Variants in REPS1 observed in about 807,000 individuals in gnomAD.
The protein encoded by REPS1 is RALBP1 associated Eps domain containing 1.
Under a neutral mutation model 100.9 loss-of-function variants are expected in REPS1, and 39 were observed. The observed-to-expected ratio is 0.39, with a 90% confidence interval of 0.30 to 0.50. The LOEUF is 0.50. Among genes scored for constraint, REPS1 ranks in the 20% least tolerant of loss-of-function variants. The probability of loss-of-function intolerance (pLI) is 0.86; values close to 1 mark genes in which losing one functional copy is unlikely to be tolerated. For missense variants in REPS1, 821 were observed against 968.5 expected, an observed-to-expected ratio of 0.85 and a Z score of 2.02; for synonymous variants, 324 against 340.3, an observed-to-expected ratio of 0.95 and a Z score of 0.53.
At chr6:138,935,672 G>A (rs1427279417) in intron 8 of REPS1, among the ~76,000 whole-genome samples, 1 of 151,950 alleles carries the variant, frequency 6.6e-6, no homozygotes, top group Admixed American at 6.6e-5. Context: ...TGGCCAACAT[G>A]GTGAAACCCC....
At chr6:138,921,704 A>C (rs898135876) in intron 10 of REPS1, among the ~76,000 whole-genome samples, 17 of 150,620 alleles carry the variant, frequency 1.1e-4, no homozygotes, top group African/African-American at 4.2e-4. Context: ...CAGCCTCCCA[A>C]GTAGCTGGGA....
chr6:138,920,266 C>T lies in REPS1; in HGVS notation c.1477G>A (p.Glu493Lys), dbSNP rs753054548. ...ACCGATGAATTTATCTTATTTTCTTCTAAAAGGTCAGATGGTTTCACAAGT... is the reference window on the plus strand; with the variant it reads ...ACCGATGAATTTATCTTATTTTCTTTTAAAAGGTCAGATGGTTTCACAAGT... ...PLLVKPSDLL[E>K]ENKINSSVKF... The change falls in exon 12 of 20, where the codon GAA becomes AAA. Residue 493 changes from glutamate to lysine, a missense_variant. Glu to Lys is a moderately conservative substitution (Grantham distance 56, BLOSUM62 1). This residue lies in a region of REPS1 where 757 missense variants were observed against 866.4 expected (regional missense o/e 0.87). Transcript: ENST00000450536. 1 of 1,604,122 alleles carries T rather than the reference C, an allele frequency of 6.2e-7. No individual in the cohort carries two copies. The highest frequency in any genetic ancestry group is 8.5e-7 in the Non-Finnish European group (1 of 1,171,066).
At chr6:138,917,865 T>C (rs565495751) in intron 12 of REPS1, among the ~76,000 whole-genome samples, 1 of 152,288 alleles carries the variant, frequency 6.6e-6, no homozygotes, top group South Asian at 2.1e-4. Context: ...GAATACTTAA[T>C]GATGCAGAAA....
intron 7 of REPS1, among the ~76,000 whole-genome samples, chr6:138,942,950 G>C (rs906914337): frequency 6.6e-6 from 1 of 152,060 alleles, no homozygotes; most frequent in Non-Finnish European, 1.5e-5. Context: ...GTTTCACCAT[G>C]TTGCCCAGGC....
At chr6:138,953,151 T>C (rs763136272) in intron 1 of REPS1, among the ~76,000 whole-genome samples, 8 of 152,106 alleles carry the variant, frequency 5.3e-5, no homozygotes, top group Non-Finnish European at 1.2e-4. Context: ...ATTTTATGAA[T>C]GAAATTAGAT....
chr6:138,922,830 TGTTTTG>T (rs1402233720), intron 10 of REPS1, among the ~76,000 whole-genome samples: 1 of 152,252 alleles, frequency 6.6e-6, no homozygotes. Flanking sequence ...AGTTGGAAAC[TGTTTTG>T]GTGAGACAGT....
At position 138,915,994 on chromosome 6, in the gene REPS1, T is replaced by C. The variant is rs774056125; in HGVS notation, c.1602-18A>G. ...AATGAGACCTGCAAAATTCACCCCA[T>C]GATAATTGGTCATACTACTGATATC... is the stretch of plus-strand genomic sequence containing the variant. On this transcript the variant is annotated intron_variant, in intron 13 of 19. Transcript: ENST00000450536. The C allele has an allele frequency of 3.7e-5, 58 of 1,557,524 alleles. No homozygotes were observed. The highest frequency in any genetic ancestry group is 4.2e-5 in the Non-Finnish European group (47 of 1,128,664).
At chr6:138,956,556 T>C (rs939637792) in intron 1 of REPS1, among the ~76,000 whole-genome samples, 1 of 149,380 alleles carries the variant, frequency 6.7e-6, no homozygotes, top group African/African-American at 2.5e-5. Context: ...ACTTTGCTGT[T>C]GCCCCTGGTA....
chr6:138,931,791 TCC>T (rs1781500604), intron 8 of REPS1, among the ~76,000 whole-genome samples: 1 of 151,840 alleles, frequency 6.6e-6, no homozygotes, highest in South Asian at 2.1e-4. Context: ...TGAAACTTTA[TCC>T]CCAGTGATAA....
chr6:138,963,863 CAA>C (rs905466649), intron 1 of REPS1, among the ~76,000 whole-genome samples: 3 of 152,166 alleles, frequency 2.0e-5, no homozygotes, highest in Non-Finnish European at 4.4e-5. Flanking sequence ...ATCCAACAAA[CAA>C]GAGGGTAATT....
chr6:138,947,460 G>A (rs981157328), intron 2 of REPS1, among the ~76,000 whole-genome samples: 1 of 152,116 alleles, frequency 6.6e-6, no homozygotes, highest in Non-Finnish European at 1.5e-5. Context: ...GAAGATGGTC[G>A]CTGTAATTTA....
At position 138,904,352 on chromosome 6, in the gene REPS1, A is replaced by C. The variant is rs1232917033; in HGVS notation, c.*712T>G. On this transcript the variant is annotated 3_prime_UTR_variant, in exon 20 of 20. Transcript: ENST00000450536. ...TGATATCCTCAGAAGTTTTAAAACAATACTTAAAAAAATTAAGAAAGGCCA... is the reference window on the plus strand; with the variant it reads ...TGATATCCTCAGAAGTTTTAAAACACTACTTAAAAAAATTAAGAAAGGCCA... The C allele has an allele frequency of 6.6e-6, 1 of 152,228 alleles. No individual in the cohort carries two copies. Among genetic ancestry groups the C allele is most frequent in the African/African-American group, 2.4e-5 (1 of 41,466 alleles). 9.4% of individuals were successfully genotyped at this position (152,228 alleles called of 1,614,324 possible). A position where few individuals can be genotyped will look rare whatever the true frequency, so the allele number is the denominator to read the frequency against.
chr6:138,937,181 C>T (rs1211195907), intron 8 of REPS1, among the ~76,000 whole-genome samples: 2 of 152,048 alleles, frequency 1.3e-5, no homozygotes, highest in Admixed American at 1.3e-4. Flanking sequence ...GAAAGACCTG[C>T]CCCCATGATT....
intron 3 of REPS1, 37 bp from the exon 4 acceptor site, chr6:138,945,409 G>C: frequency 6.3e-7 from 1 of 1,589,508 alleles, no homozygotes; most frequent in Non-Finnish European, 8.5e-7. Context: ...TTAACTTTAA[G>C]GAGACATTTT....
chr6:138,919,154 A>C (rs989334005), intron 12 of REPS1, among the ~76,000 whole-genome samples: 9 of 152,166 alleles, frequency 5.9e-5, no homozygotes, highest in African/African-American at 1.9e-4. Context: ...CAGGCCAAAA[A>C]CCATGAAACC....
chr6:138,909,613 G>T (rs1005240702), intron 17 of REPS1, among the ~76,000 whole-genome samples: 1 of 152,104 alleles, frequency 6.6e-6, no homozygotes, highest in Admixed American at 6.5e-5. Context: ...AGGTGACTGG[G>T]TCATGGGGGT....
In REPS1 at chr6:138,907,511, A is replaced by T; in HGVS notation, c.2306T>A (p.Leu769Ter). 1.2e-6 allele frequency: 2 copies of T among 1,611,100 alleles called. No individual in the cohort carries two copies. Among genetic ancestry groups the T allele is most frequent in the Non-Finnish European group, 1.7e-6 (2 of 1,177,408 alleles). ...CTATATTACCTTTAATTGTTGCTGC[A>T]ATTCGCTATTCAATCTGGCCAAAAC... ...NTVLARLNSE[L>*]QQQLKDVLEE... Residue 769 changes from leucine (L) to a stop codon, truncating the protein, a stop_gained, in exon 19 of 20, where the codon TTG becomes TAG. Coordinates refer to ENST00000450536, the MANE Select transcript of REPS1 (RefSeq NM_001286611.2). LOFTEE classifies it high-confidence loss of function.
intron 1 of REPS1, among the ~76,000 whole-genome samples, chr6:138,965,420 C>T (rs756938533): frequency 4.6e-5 from 7 of 151,192 alleles, no homozygotes; most frequent in African/African-American, 7.3e-5. Context: ...ACCACAAATA[C>T]GCAAAAGTAG....
At chr6:138,928,721 C>A (rs1026585193) in intron 9 of REPS1, 1 of 152,044 alleles carries the variant, frequency 6.6e-6, no homozygotes, top group Non-Finnish European at 1.5e-5. Flanking sequence ...CAATGGAATA[C>A]AAATATTCTT....
Sources: gnomAD v4.1 joint callset for allele counts (sites outside exome capture counted in the v4.1 genomes callset) on GRCh38, gnomAD v4.1.1 for gene constraint, gnomAD v4.1.1 regional missense constraint, MANE v1.5 for transcripts, NCBI Gene and HGNC (gene_info 2026-07-23, HGNC 2026-07-21) for gene names.